The following TMEM45B variants were observed in gnomAD, a reference collection of about 807,000 sequenced individuals.
The protein encoded by TMEM45B is transmembrane protein 45B.
In TMEM45B, 29 loss-of-function variants were observed where a neutral mutation model predicts 27.3. The ratio of observed to expected loss-of-function variants is 1.06; its 90% CI spans 0.79 to 1.45. The LOEUF (loss-of-function observed/expected upper bound fraction) is 1.45. TMEM45B is among the 40% of genes most tolerant of loss of function. TMEM45B has a pLI of 0.00. For missense variants in TMEM45B, 348 were observed against 343.9 expected, an observed-to-expected ratio of 1.01 and a Z score of -0.09; for synonymous variants, 143 against 134.7, an observed-to-expected ratio of 1.06 and a Z score of -0.43.
intron 1 of TMEM45B, among the ~76,000 whole-genome samples, chr11:129,849,632 C>T (rs1282564955): frequency 6.6e-6 from 1 of 152,192 alleles, no homozygotes; most frequent in Non-Finnish European, 1.5e-5. Flanking sequence ...ACAGAGTCAG[C>T]ACCACATGGA....
chr11:129,826,163 C>T (rs2249348), intron 1 of TMEM45B, among the ~76,000 whole-genome samples: 51,524 of 151,740 alleles, frequency 0.34, 9,428 homozygotes, highest in East Asian at 0.48. Context: ...TTCTGCATTT[C>T]GTTTTTGTGA....
chr11:129,840,799 C>T (rs1322239881), intron 1 of TMEM45B, among the ~76,000 whole-genome samples: 2 of 151,676 alleles, frequency 1.3e-5, no homozygotes, highest in East Asian at 1.9e-4. Context: ...GCAGGAGAAT[C>T]GCTTGGAGGC....
chr11:129,858,164 G>T (rs372726972), intron 5 of TMEM45B, among the ~76,000 whole-genome samples: 1 of 152,120 alleles, frequency 6.6e-6, no homozygotes, highest in Non-Finnish European at 1.5e-5. Context: ...TTTGCTGTTC[G>T]GCTGCCTCTA....
chr11:129,818,895 T>C (rs766244870), intron 1 of TMEM45B, among the ~76,000 whole-genome samples: 1 of 152,212 alleles, frequency 6.6e-6, no homozygotes, highest in Non-Finnish European at 1.5e-5. Flanking sequence ...ATCTACTTCA[T>C]TGGAGAATTA....
chr11:129,854,516 T>G, intron 2 of TMEM45B, 94 bp from the exon 3 acceptor site: 1 of 1,306,914 alleles, frequency 7.7e-7, no homozygotes, highest in South Asian at 1.3e-5. Context: ...CCTCACCCCA[T>G]CTCCGCTTCG....
intron 1 of TMEM45B, among the ~76,000 whole-genome samples, chr11:129,846,286 G>T (rs547613351): frequency 6.6e-6 from 1 of 152,260 alleles, no homozygotes; most frequent in African/African-American, 2.4e-5. Context: ...TGGTCAACAT[G>T]GTGAAACCCT....
intron 1 of TMEM45B, among the ~76,000 whole-genome samples, chr11:129,840,815 T>C (rs1483068863): frequency 4.6e-5 from 7 of 150,946 alleles, no homozygotes; most frequent in Non-Finnish European, 5.9e-5. Context: ...GAGGCAGAGG[T>C]TGCAGTGAGC....
At chr11:129,848,362 A>C (rs2135592919) in intron 1 of TMEM45B, among the ~76,000 whole-genome samples, 1 of 152,236 alleles carries the variant, frequency 6.6e-6, no homozygotes. Flanking sequence ...AAAATACGAA[A>C]ACCCGTCAGG....
In TMEM45B at chr11:129,858,859, G is replaced by A. The variant is rs1227427840; in HGVS notation, c.*174G>A. ...GGAAATCAGGCCTACAGCATCCTGT[G>A]TATCTTGCAGTTGGGATTTTTAAAC... On this transcript the variant is annotated 3_prime_UTR_variant, in exon 6 of 6. Coordinates refer to ENST00000281441, the MANE Select transcript of TMEM45B (RefSeq NM_138788.5). 2 of 469,704 alleles carry A rather than the reference G, an allele frequency of 4.3e-6. No individual in the cohort carries two copies. The highest frequency in any genetic ancestry group is 2.0e-5 in the African/African-American group (1 of 50,350). 29.1% of individuals were successfully genotyped at this position (469,704 alleles called of 1,614,324 possible).
At chr11:129,823,067 C>G (rs1947439610) in intron 1 of TMEM45B, among the ~76,000 whole-genome samples, 1 of 151,986 alleles carries the variant, frequency 6.6e-6, no homozygotes, top group Admixed American at 6.6e-5. Context: ...TCTCGAACCC[C>G]TGACCTTGTG....
At chr11:129,824,885 C>T (rs1219374635) in intron 1 of TMEM45B, among the ~76,000 whole-genome samples, 2 of 151,998 alleles carry the variant, frequency 1.3e-5, no homozygotes, top group African/African-American at 4.8e-5. Flanking sequence ...ATATGGAAAC[C>T]AAGTAAGAGG....
chr11:129,821,673 G>A (rs796986312), intron 1 of TMEM45B, among the ~76,000 whole-genome samples: 22 of 152,194 alleles, frequency 1.4e-4, no homozygotes, highest in African/African-American at 5.1e-4. Context: ...ATCATTTCCC[G>A]TACGAATTTT....
chr11:129,852,421 A>C, intron 1 of TMEM45B, 54 bp from the exon 2 acceptor site: 3 of 1,496,128 alleles, frequency 2.0e-6, no homozygotes, highest in Non-Finnish European at 2.7e-6. Flanking sequence ...GCCAAAATAT[A>C]CATTTGTTTG....
rs1219721576 is a variant in TMEM45B, at chr11:129,859,338, A to C, written c.*653A>C. 6.6e-6 allele frequency: 1 copy of C among 152,078 alleles called. No homozygotes were observed. Among genetic ancestry groups the C allele is most frequent in the Non-Finnish European group, 1.5e-5 (1 of 68,026 alleles). The allele number at this position is 152,078 out of a possible 1,614,324, so 9.4% of individuals were successfully genotyped here. A position where few individuals can be genotyped will look rare whatever the true frequency, so the allele number is the denominator to read the frequency against. On this transcript the variant is annotated 3_prime_UTR_variant, in exon 6 of 6. Coordinates refer to ENST00000281441, the MANE Select transcript of TMEM45B (RefSeq NM_138788.5). ...AGGAAGCTGGTTACTGGCTCTACTG[A>C]GAGTTGGAGCCCTGATGTTCTGATT...
rs772220480 is a variant in TMEM45B at position 129,852,639 on chromosome 11, A to C, written c.157A>C (p.Arg53=). Residue 53 remains arginine (R), a synonymous_variant, in exon 2 of 6, where the codon AGG becomes CGG. Coordinates refer to ENST00000281441, the MANE Select transcript of TMEM45B (RefSeq NM_138788.5). The part of the protein sequence containing the change: ...QRLEIVEAAI[R]TLFSVTGILA... ...TCTCGAGATCGTCGAAGCCGCAATTAGGACTTTGTTTTCCGTCACTGGTAA... is the reference window on the plus strand; with the variant it reads ...TCTCGAGATCGTCGAAGCCGCAATTCGGACTTTGTTTTCCGTCACTGGTAA... 12 of 1,608,050 alleles carry C rather than the reference A, an allele frequency of 7.5e-6. No individual in the cohort carries two copies. Among genetic ancestry groups the C allele is most frequent in the Non-Finnish European group, 8.5e-6 (10 of 1,174,966 alleles).
chr11:129,858,442 A>G (rs1410292495), intron 5 of TMEM45B, 132 bp from the exon 6 acceptor site: 4 of 580,238 alleles, frequency 6.9e-6, no homozygotes, highest in Non-Finnish European at 9.0e-6. Flanking sequence ...AGTCTAGTTT[A>G]TAGACATGTA....
chr11:129,837,066 C>T (rs1328699357), intron 1 of TMEM45B, among the ~76,000 whole-genome samples: 1 of 152,144 alleles, frequency 6.6e-6, no homozygotes, highest in Admixed American at 6.5e-5. Flanking sequence ...TCAGCAATGC[C>T]GAGGCTGTGA....
intron 1 of TMEM45B, among the ~76,000 whole-genome samples, chr11:129,849,691 G>A (rs1013099760): frequency 3.3e-5 from 5 of 152,182 alleles, no homozygotes; most frequent in Admixed American, 6.5e-5. Flanking sequence ...GGCCCAACCT[G>A]CACCTGGTCC....
At position 129,854,765 on chromosome 11, in the gene TMEM45B, G is replaced by A. The variant is rs533868054; in HGVS notation, c.334G>A (p.Val112Ile). ...CATGCTCACCTATCTGGTCAGCCAC[G>A]TTCCCTTGGGGGTGGACAGACTGGT... ...VDMLTYLVSH[V>I]PLGVDRLVMA... is the part of the protein sequence containing the mutation. Residue 112 changes from valine to isoleucine, a missense_variant, in exon 3 of 6, where the codon GTT (valine) becomes ATT (isoleucine). Coordinates refer to ENST00000281441, the MANE Select transcript of TMEM45B (RefSeq NM_138788.5). 3.7e-5 allele frequency: 60 copies of A among 1,614,194 alleles called. No individual in the cohort carries two copies. In the East Asian group the frequency reaches 4.7e-4, roughly 13 times the overall value.
Sources: allele counts gnomAD v4.1 joint callset (sites outside exome capture counted in the v4.1 genomes callset), GRCh38; gene constraint gnomAD v4.1.1; transcripts MANE v1.5; gene names NCBI Gene and HGNC (gene_info 2026-07-23, HGNC 2026-07-21).